The following CERS6 variants were observed in gnomAD, a reference collection of about 807,000 sequenced individuals.
The protein encoded by CERS6 is ceramide synthase 6, also known as LAG1 homolog, ceramide synthase 6.
A neutral mutation model predicts 56.8 loss-of-function variants in CERS6; 26 were observed. The observed-to-expected ratio is 0.46, with a 90% CI of 0.34 to 0.63. The LOEUF (loss-of-function observed/expected upper bound fraction) is 0.63, where lower values mean the gene tolerates loss of function less well. CERS6 is among the 30% of genes least tolerant of loss of function. The pLI, the probability that CERS6 is intolerant of heterozygous loss-of-function variation, is 0.01. For synonymous variants in CERS6, 164 were observed against 173.3 expected (o/e 0.95, Z 0.42); for missense variants, 415 against 467.5 (o/e 0.89, Z 1.04).
chr2:168,524,913 T>C (rs1294198599), intron 1 of CERS6, among the ~76,000 whole-genome samples: 1 of 152,070 alleles, frequency 6.6e-6, no homozygotes, highest in African/African-American at 2.4e-5. Flanking sequence ...TCTGTGTCTA[T>C]GTCTGTATCT....
intron 3 of CERS6, among the ~76,000 whole-genome samples, chr2:168,585,832 T>C (rs1240364145): frequency 1.3e-5 from 2 of 152,232 alleles, no homozygotes; most frequent in African/African-American, 4.8e-5. Context: ...CACGTCTCCC[T>C]GTGTGACATC....
At chr2:168,728,055 C>T (rs1683400462) in intron 8 of CERS6, among the ~76,000 whole-genome samples, 1 of 152,184 alleles carries the variant, frequency 6.6e-6, no homozygotes, top group Admixed American at 6.5e-5. Context: ...CAAAGTATGG[C>T]CTGTAGGACA....
chr2:168,755,997 G>C (rs892112324), intron 8 of CERS6, among the ~76,000 whole-genome samples: 2 of 152,210 alleles, frequency 1.3e-5, no homozygotes, highest in African/African-American at 2.4e-5. Context: ...AGGTAAGGAA[G>C]CCCATGGTAA....
At chr2:168,556,460 T>C (rs1695680293) in intron 2 of CERS6, among the ~76,000 whole-genome samples, 1 of 152,200 alleles carries the variant, frequency 6.6e-6, no homozygotes, top group African/African-American at 2.4e-5. Context: ...TTCTGCTACA[T>C]GACAGATGTA....
At chr2:168,675,666 A>C (rs1686040470) in intron 4 of CERS6, among the ~76,000 whole-genome samples, 1 of 152,168 alleles carries the variant, frequency 6.6e-6, no homozygotes, top group Non-Finnish European at 1.5e-5. Context: ...AACATAAATG[A>C]CATTTGGAAA....
intron 3 of CERS6, among the ~76,000 whole-genome samples, chr2:168,571,494 G>T (rs1360503115): frequency 6.6e-6 from 1 of 151,962 alleles, no homozygotes; most frequent in Non-Finnish European, 1.5e-5. Context: ...TAAGTAACAG[G>T]GTATCAAGCC....
intron 3 of CERS6, among the ~76,000 whole-genome samples, chr2:168,600,508 A>G (rs1041612658): frequency 6.6e-6 from 1 of 152,162 alleles, no homozygotes; most frequent in Admixed American, 6.5e-5. Context: ...CCGGCCTGCC[A>G]TACTTCTCTT....
At chr2:168,498,275 C>T (rs950941450) in intron 1 of CERS6, among the ~76,000 whole-genome samples, 2 of 152,092 alleles carry the variant, frequency 1.3e-5, no homozygotes, top group Non-Finnish European at 2.9e-5. Context: ...CATCCTAATG[C>T]TGGATTTTTA....
chr2:168,591,939 G>A (rs889169126), intron 3 of CERS6, among the ~76,000 whole-genome samples: 4 of 152,284 alleles, frequency 2.6e-5, no homozygotes, highest in Admixed American at 2.0e-4. Context: ...AAATAGATCA[G>A]AGCGGGGAAT....
intron 8 of CERS6, among the ~76,000 whole-genome samples, chr2:168,735,721 TA>T (rs796656127): frequency 3.0e-4 from 44 of 148,118 alleles, no homozygotes; most frequent in African/African-American, 9.3e-4. Context: ...ACTAAAAATT[TA>T]AAAAAAAAAA....
At chr2:168,636,287 G>T (rs1170940830) in intron 4 of CERS6, among the ~76,000 whole-genome samples, 1 of 152,066 alleles carries the variant, frequency 6.6e-6, no homozygotes, top group African/African-American at 2.4e-5. Flanking sequence ...GACTGTCTAG[G>T]TTAAAAACAA....
chr2:168,618,720 TA>T (rs1014456039), intron 3 of CERS6, among the ~76,000 whole-genome samples: 4 of 152,114 alleles, frequency 2.6e-5, no homozygotes, highest in African/African-American at 9.7e-5. Flanking sequence ...ACTGCTGAAG[TA>T]AATCATAGAT....
chr2:168,602,563 G>T (rs1252730566), intron 3 of CERS6, among the ~76,000 whole-genome samples: 3 of 152,218 alleles, frequency 2.0e-5, no homozygotes, highest in African/African-American at 7.2e-5. Flanking sequence ...AGTATTCAGA[G>T]AGTTTAAATG....
intron 3 of CERS6, among the ~76,000 whole-genome samples, chr2:168,613,154 C>G (rs767536437): frequency 6.6e-6 from 1 of 152,152 alleles, no homozygotes; most frequent in Non-Finnish European, 1.5e-5. Flanking sequence ...ATAATAGTGT[C>G]CTTGACAGAG....
At chr2:168,635,119 G>A (rs1684833624) in intron 4 of CERS6, among the ~76,000 whole-genome samples, 1 of 152,148 alleles carries the variant, frequency 6.6e-6, no homozygotes, top group South Asian at 2.1e-4. Context: ...CAAGGACTGG[G>A]CCTCACCCAT....
intron 1 of CERS6, among the ~76,000 whole-genome samples, chr2:168,477,851 G>A (rs1694107760): frequency 6.6e-6 from 1 of 152,168 alleles, no homozygotes; most frequent in South Asian, 2.1e-4. Flanking sequence ...CTTTTTAAAA[G>A]TGAAGTTAAG....
chr2:168,688,596 G>T (rs941467134), intron 4 of CERS6, among the ~76,000 whole-genome samples: 1 of 152,156 alleles, frequency 6.6e-6, no homozygotes, highest in African/African-American at 2.4e-5. Context: ...CTTAATTTAA[G>T]ATCCTAGAAA....
chr2:168,530,172 C>G (rs1695140544), intron 1 of CERS6, among the ~76,000 whole-genome samples: 1 of 152,180 alleles, frequency 6.6e-6, no homozygotes, highest in Non-Finnish European at 1.5e-5. Flanking sequence ...TGTGACATGT[C>G]AAAAGCTGAC....
At chr2:168,571,476 A>G (rs1695985319) in intron 3 of CERS6, among the ~76,000 whole-genome samples, 1 of 152,144 alleles carries the variant, frequency 6.6e-6, no homozygotes, top group Admixed American at 6.6e-5. Flanking sequence ...GAGGATGGGC[A>G]TTTGGACTAA....
Sources: gnomAD v4.1 joint callset for allele counts (sites outside exome capture counted in the v4.1 genomes callset) on GRCh38, gnomAD v4.1.1 for gene constraint, MANE v1.5 for transcripts, NCBI Gene and HGNC (gene_info 2026-07-23, HGNC 2026-07-21) for gene names.